COL4A1: variants seen among roughly 807,000 people sequenced by gnomAD.
The protein encoded by COL4A1 is collagen alpha-1(IV) chain.
A neutral mutation model predicts 216.6 loss-of-function variants in COL4A1; 40 were observed. That is an observed-to-expected ratio of 0.18 (90% CI 0.14 to 0.24). COL4A1 has a LOEUF of 0.24. Among genes scored for constraint, COL4A1 ranks in the 10% least tolerant of loss-of-function variants. COL4A1 has a pLI of 1.00. For missense variants in COL4A1, 1,628 were observed against 2,196.8 expected (o/e 0.74, Z 5.18); for synonymous variants, 839 against 810.7 (o/e 1.03, Z -0.59).
intron 2 of COL4A1, among the ~76,000 whole-genome samples, chr13:110,225,439 C>T (rs1880693221): frequency 6.6e-6 from 1 of 152,236 alleles, no homozygotes; most frequent in Middle Eastern, 3.4e-3. Context: ...AAAAATTAGC[C>T]CAGCGTGGTG....
intron 1 of COL4A1, among the ~76,000 whole-genome samples, chr13:110,269,603 G>A (rs1883168470): frequency 6.6e-6 from 1 of 152,138 alleles, no homozygotes; most frequent in Admixed American, 6.5e-5. Flanking sequence ...GCTGCATCTG[G>A]AACTGGGTCT....
At chr13:110,214,416 T>A (rs927046850) in intron 2 of COL4A1, among the ~76,000 whole-genome samples, 2 of 152,178 alleles carry the variant, frequency 1.3e-5, no homozygotes, top group African/African-American at 4.8e-5. Flanking sequence ...AGGTGCCAAG[T>A]TGACTGGGTC....
chr13:110,212,264 G>A (rs547368779), intron 6 of COL4A1, among the ~76,000 whole-genome samples, 153 bp downstream of exon 6: 1 of 152,306 alleles, frequency 6.6e-6, no homozygotes, highest in Admixed American at 6.5e-5. Flanking sequence ...TGGGAAAACT[G>A]TATTTCCTTA....
At chr13:110,288,888 T>G (rs1883958666) in intron 1 of COL4A1, among the ~76,000 whole-genome samples, 1 of 151,988 alleles carries the variant, frequency 6.6e-6, no homozygotes, top group South Asian at 2.1e-4. Flanking sequence ...AAAAATTAGC[T>G]GGGTGTGGTG....
chr13:110,181,404 CA>C lies in COL4A1; in HGVS notation c.2096-16del, dbSNP rs112508409. ...GCCGTCAACACCTGTTTTAAAGAGT[CA>C]AAAAAAAAAAACAAACAAACAATCA... On this transcript the variant is annotated splice_polypyrimidine_tract_variant and intron_variant, in intron 28 of 51. Coordinates refer to ENST00000375820, the MANE Select transcript of COL4A1 (RefSeq NM_001845.6). 0.047 allele frequency: 49,981 copies of C among 1,074,664 alleles called. 89 individuals are homozygous for C. The highest frequency in any genetic ancestry group is 0.083 in the African/African-American group (5,026 of 60,670). The allele number at this position is 1,074,664 out of a possible 1,614,324, so 66.6% of individuals were successfully genotyped here.
chr13:110,274,161 C>G (rs1883351570), intron 1 of COL4A1, among the ~76,000 whole-genome samples: 1 of 152,096 alleles, frequency 6.6e-6, no homozygotes, highest in African/African-American at 2.4e-5. Context: ...AACACAATAC[C>G]TAATGAGGAG....
chr13:110,153,709 G>C (rs1468803582), intron 50 of COL4A1, among the ~76,000 whole-genome samples: 1 of 152,196 alleles, frequency 6.6e-6, no homozygotes, highest in Non-Finnish European at 1.5e-5. Flanking sequence ...TAATCTGGTG[G>C]TTGCAACATG....
intron 10 of COL4A1, 90 bp from the exon 11 acceptor site, chr13:110,209,517 T>C: frequency 3.2e-6 from 3 of 927,206 alleles, no homozygotes; most frequent in Non-Finnish European, 5.1e-6. Context: ...TAAGATTCTC[T>C]GGTCAACATG....
At chr13:110,170,876 G>T in intron 41 of COL4A1, 144 bp from the exon 42 acceptor site, 3 of 814,550 alleles carry the variant, frequency 3.7e-6, no homozygotes, top group Non-Finnish European at 6.2e-6. Flanking sequence ...ACAGGAAACT[G>T]CAGCAAGGGC....
At chr13:110,228,237 C>CGGGGGGG (rs59600040) in intron 2 of COL4A1, among the ~76,000 whole-genome samples, 3 of 118,992 alleles carry the variant, frequency 2.5e-5, no homozygotes, top group Non-Finnish European at 5.0e-5. Context: ...GGTGCGGGGG[C>CGGGGGGG]GGGGGGGGGG....
intron 1 of COL4A1, among the ~76,000 whole-genome samples, chr13:110,256,625 G>T (rs1328878002): frequency 6.6e-6 from 1 of 152,230 alleles, no homozygotes; most frequent in East Asian, 1.9e-4. Context: ...GAAGTTTAAA[G>T]AGGGTTGAAG....
chr13:110,168,315 G>A (rs182948466), intron 43 of COL4A1, among the ~76,000 whole-genome samples: 4 of 152,196 alleles, frequency 2.6e-5, no homozygotes, highest in South Asian at 2.1e-4. Flanking sequence ...AGGCCCAGCC[G>A]GGAATGGGGT....
chr13:110,155,967 G>A (rs1318657629), intron 49 of COL4A1, among the ~76,000 whole-genome samples: 3 of 152,222 alleles, frequency 2.0e-5, no homozygotes, highest in Non-Finnish European at 4.4e-5. Context: ...TGGGGAGGCT[G>A]AGGCAGGACT....
At chr13:110,205,589 G>A (rs371703423) in intron 15 of COL4A1, 51 bp from the exon 16 acceptor site, 306 of 1,597,720 alleles carry the variant, frequency 1.9e-4, no homozygotes, top group African/African-American at 5.1e-4. Context: ...TAGACTGCGC[G>A]CGGTGGCTCA....
chr13:110,203,398 T>A (rs904293971), intron 18 of COL4A1, among the ~76,000 whole-genome samples, 168 bp downstream of exon 18: 1 of 152,056 alleles, frequency 6.6e-6, no homozygotes, highest in Non-Finnish European at 1.5e-5. Flanking sequence ...CAAATGCAAT[T>A]CTAGAGACAG....
In COL4A1 at chr13:110,189,381, C is replaced by T. The variant is rs143368086; in HGVS notation, c.1537-2052G>A. Among the ~76,000 whole-genome samples, 8 of 152,338 alleles carry T rather than the reference C, an allele frequency of 5.3e-5. No homozygotes were observed. The East Asian group carries it at 9.6e-4, about 18-fold the overall frequency. On this transcript the variant is annotated intron_variant, in intron 24 of 51. Transcript: ENST00000375820. ...CCCAGCAGTGACTGCATTTCAAAGA[C>T]TCAACAGCCACCACTGGCCAGCAGC...
intron 21 of COL4A1, among the ~76,000 whole-genome samples, chr13:110,195,914 G>A (rs1878866045): frequency 6.6e-6 from 1 of 152,154 alleles, no homozygotes; most frequent in African/African-American, 2.4e-5. Context: ...ACAAAGTCAT[G>A]GGCAGTCTCT....
At chr13:110,206,615 G>T (rs201729480) in intron 15 of COL4A1, 50 bp downstream of exon 15, 10 of 1,588,670 alleles carry the variant, frequency 6.3e-6, no homozygotes, top group Non-Finnish European at 8.6e-6. Flanking sequence ...GCGATTTTCC[G>T]CATGGAAGGA....
At chr13:110,289,911 C>T (rs116827666) in intron 1 of COL4A1, among the ~76,000 whole-genome samples, 4,094 of 152,224 alleles carry the variant, frequency 0.027, 191 homozygotes, top group African/African-American at 0.094. Context: ...TGAGGGTCAG[C>T]GCTTCACCCA....
Sources: allele counts gnomAD v4.1 joint callset (sites outside exome capture counted in the v4.1 genomes callset), GRCh38; gene constraint gnomAD v4.1.1; transcripts MANE v1.5; gene names NCBI Gene and HGNC (gene_info 2026-07-23, HGNC 2026-07-21).